Variants in PCDHA12 observed in about 807,000 individuals in gnomAD.
The protein encoded by PCDHA12 is protocadherin alpha 12, also known as protocadherin alpha-12.
A neutral mutation model predicts 60.0 loss-of-function variants in PCDHA12; 44 were observed. The observed-to-expected ratio is 0.73, with a 90% CI of 0.58 to 0.94. PCDHA12 has a LOEUF of 0.94. PCDHA12 is among the 40% of genes least tolerant of loss of function. PCDHA12 has a pLI of 0.00. For missense variants in PCDHA12, 1,276 were observed against 1,239.7 expected (o/e 1.03, Z -0.44); for synonymous variants, 569 against 553.0 (o/e 1.03, Z -0.40).
At chr5:140,990,670 A>T (rs1172208113) in intron 3 of PCDHA12, among the ~76,000 whole-genome samples, 1 of 152,192 alleles carries the variant, frequency 6.6e-6, no homozygotes, top group Non-Finnish European at 1.5e-5. Flanking sequence ...CATTAGATGC[A>T]CACCAAGCTG....
chr5:140,891,427 C>T (rs1465861457), intron 1 of PCDHA12, among the ~76,000 whole-genome samples: 2 of 149,500 alleles, frequency 1.3e-5, no homozygotes, highest in African/African-American at 4.9e-5. Flanking sequence ...CCCCCAAGTC[C>T]CCAACGTCCA....
chr5:140,949,409 A>G (rs547419161), intron 1 of PCDHA12, among the ~76,000 whole-genome samples: 1 of 151,896 alleles, frequency 6.6e-6, no homozygotes, highest in African/African-American at 2.4e-5. Flanking sequence ...AAAATCACCT[A>G]TCATCATTGT....
intron 1 of PCDHA12, among the ~76,000 whole-genome samples, chr5:140,932,387 T>C (rs1419863335): frequency 6.6e-6 from 1 of 151,960 alleles, no homozygotes; most frequent in Non-Finnish European, 1.5e-5. Context: ...AAGTTATACA[T>C]AGTTTCAACA....
At chr5:140,887,284 G>T (rs1374515637) in intron 1 of PCDHA12, among the ~76,000 whole-genome samples, 1 of 152,044 alleles carries the variant, frequency 6.6e-6, no homozygotes, top group Non-Finnish European at 1.5e-5. Context: ...TTTTAGTAGA[G>T]ATGGGGTTTC....
chr5:140,957,328 G>A (rs1312649094), intron 1 of PCDHA12, among the ~76,000 whole-genome samples: 1 of 152,134 alleles, frequency 6.6e-6, no homozygotes, highest in Admixed American at 6.5e-5. Context: ...GCACAGTACA[G>A]TAAGATATTT....
intron 1 of PCDHA12, among the ~76,000 whole-genome samples, chr5:140,899,225 A>G (rs1479429839): frequency 6.6e-6 from 1 of 152,038 alleles, no homozygotes; most frequent in African/African-American, 2.4e-5. Flanking sequence ...TTCCAACACT[A>G]TGTTGAATAG....
At chr5:140,887,829 G>A (rs2061597831) in intron 1 of PCDHA12, among the ~76,000 whole-genome samples, 1 of 151,932 alleles carries the variant, frequency 6.6e-6, no homozygotes, top group Non-Finnish European at 1.5e-5. Flanking sequence ...GCCTCATTTT[G>A]AATATCTTTT....
At chr5:140,898,864 A>C (rs1401711928) in intron 1 of PCDHA12, among the ~76,000 whole-genome samples, 3 of 149,656 alleles carry the variant, frequency 2.0e-5, no homozygotes, top group African/African-American at 7.5e-5. Flanking sequence ...CTTTTATTTC[A>C]TTGAGCAGTG....
intron 1 of PCDHA12, among the ~76,000 whole-genome samples, chr5:140,911,672 C>T (rs1010402307): frequency 2.6e-5 from 4 of 152,154 alleles, no homozygotes; most frequent in Non-Finnish European, 5.9e-5. Flanking sequence ...TTGCCTCTCA[C>T]GAACCGTGCA....
intron 1 of PCDHA12, chr5:140,968,020 C>T: frequency 1.2e-6 from 2 of 1,614,202 alleles, no homozygotes; most frequent in Non-Finnish European, 1.7e-6. Flanking sequence ...TTGGAAACTC[C>T]TATACACTGG....
chr5:140,918,429 G>A (rs2078693094), intron 1 of PCDHA12, among the ~76,000 whole-genome samples: 1 of 152,164 alleles, frequency 6.6e-6, no homozygotes, highest in Non-Finnish European at 1.5e-5. Flanking sequence ...GTAGGATGTT[G>A]AATAGGAGTG....
chr5:141,000,485 T>C (rs2097941579), intron 3 of PCDHA12, among the ~76,000 whole-genome samples: 2 of 135,980 alleles, frequency 1.5e-5, no homozygotes, highest in African/African-American at 5.5e-5. Flanking sequence ...TGGAGTGCAA[T>C]GGTAAGATCT....
rs782733393 is a variant in PCDHA12 at position 140,875,889 on chromosome 5, G to T, written c.417G>T (p.Lys139Asn). The T allele has an allele frequency of 4.8e-5, 78 of 1,614,056 alleles. No homozygotes were observed. The highest frequency in any genetic ancestry group is 5.8e-5 in the Non-Finnish European group (69 of 1,180,042). The change falls in exon 1 of 4, where the codon AAG becomes AAT. Residue 139 changes from lysine to asparagine, a missense_variant. By Grantham distance (94) the Lys-to-Asn change is moderately conservative. Coordinates refer to ENST00000398631, the MANE Select transcript of PCDHA12 (RefSeq NM_018903.4). ...NPPVFREREQ[K>N]VPVSESAPLD... ...CGGTGTTCAGAGAAAGGGAACAAAA[G>T]GTACCTGTTTCTGAATCTGCGCCTC...
chr5:141,009,654 C>T lies in PCDHA12; in HGVS notation c.2543C>T (p.Pro848Leu). 4 of 1,614,012 alleles carry T rather than the reference C, an allele frequency of 2.5e-6. No individual in the cohort carries two copies. The highest frequency in any genetic ancestry group is 3.4e-6 in the Non-Finnish European group (4 of 1,179,962). The change falls in exon 4 of 4, where the codon CCA becomes CTA. Residue 848 changes from proline to leucine, a missense_variant. Pro to Leu is a moderately conservative substitution (Grantham distance 98, BLOSUM62 -3). Coordinates refer to ENST00000398631, the MANE Select transcript of PCDHA12 (RefSeq NM_018903.4). ...CCAGAGGCAGGAGAAGTGTCCCCTC[C>T]AGTCGGTGCGGGTGTCAACAGCAAC... ...PEPEAGEVSP[P>L]VGAGVNSNSW...
At chr5:140,990,858 T>C (rs1243458417) in intron 3 of PCDHA12, among the ~76,000 whole-genome samples, 2 of 152,172 alleles carry the variant, frequency 1.3e-5, no homozygotes, top group African/African-American at 2.4e-5. Flanking sequence ...CCTGAGGACA[T>C]TGTATTTTAA....
At position 140,884,470 on chromosome 5, in the gene PCDHA12, G is replaced by A. The variant is rs1453696477; in HGVS notation, c.2367+6631G>A. The A allele has an allele frequency of 2.5e-6, 4 of 1,613,644 alleles. No homozygotes were observed. Among genetic ancestry groups the A allele is most frequent in the South Asian group, 2.2e-5 (2 of 91,036 alleles). On this transcript the variant is annotated intron_variant, in intron 1 of 3. Coordinates refer to ENST00000398631, the MANE Select transcript of PCDHA12 (RefSeq NM_018903.4). The stretch of plus-strand genomic sequence containing the variant: ...CGCCCACCGAGGGCGCGTGCGCGCC[G>A]GGCAAGCCCACTCTAGTGTGCTCCA...
At chr5:140,938,424 T>C (rs960926721) in intron 1 of PCDHA12, among the ~76,000 whole-genome samples, 1 of 152,204 alleles carries the variant, frequency 6.6e-6, no homozygotes, top group African/African-American at 2.4e-5. Flanking sequence ...TTTGCAAAAA[T>C]CCTTTATCAG....
chr5:140,940,551 T>C (rs2092639776), intron 1 of PCDHA12, among the ~76,000 whole-genome samples: 1 of 152,214 alleles, frequency 6.6e-6, no homozygotes, highest in African/African-American at 2.4e-5. Context: ...TGGGCTCAAG[T>C]GATTCTCCTA....
At position 140,979,295 on chromosome 5, in the gene PCDHA12, C is replaced by A. The variant is rs180999093; in HGVS notation, c.2426+288C>A. Among the ~76,000 whole-genome samples, 27 of 152,270 alleles carry A rather than the reference C, an allele frequency of 1.8e-4. 1 individual carries two copies. The highest frequency in any genetic ancestry group is 4.1e-4 in the African/African-American group (17 of 41,558). ...TTCTACAGGGAAGTAATTTCAACCT[C>A]CTTCATCCCTCTCTACCTATGCTTT... On this transcript the variant is annotated intron_variant, in intron 2 of 3. Coordinates refer to ENST00000398631, the MANE Select transcript of PCDHA12 (RefSeq NM_018903.4).
Sources: allele counts gnomAD v4.1 joint callset (sites outside exome capture counted in the v4.1 genomes callset), GRCh38; gene constraint gnomAD v4.1.1; transcripts MANE v1.5; gene names NCBI Gene and HGNC (gene_info 2026-07-23, HGNC 2026-07-21).